MORC3: variants seen among roughly 807,000 people sequenced by gnomAD.
The protein encoded by MORC3 is MORC family CW-type zinc finger 3, also known as MORC family CW-type zinc finger protein 3.
A neutral mutation model predicts 109.1 loss-of-function variants in MORC3; 31 were observed. The observed-to-expected ratio is 0.28, with a 90% CI of 0.21 to 0.38. The LOEUF (loss-of-function observed/expected upper bound fraction) is 0.38, where lower values mean the gene tolerates loss of function less well. Ranked by LOEUF, MORC3 falls within the 10% of genes least tolerant of loss-of-function variation. MORC3 has a pLI of 1.00. For synonymous variants in MORC3, 395 were observed against 380.7 expected (o/e 1.04, Z -0.44); for missense variants, 867 against 1,135.8 (o/e 0.76, Z 3.40).
rs553980402 is a variant in MORC3, at chr21:36,369,518, G to A, written c.2150G>A (p.Cys717Tyr). The A allele has an allele frequency of 1.9e-6, 3 of 1,614,142 alleles. No homozygotes were observed. The highest frequency in any genetic ancestry group is 2.2e-5 in the South Asian group (2 of 91,078). The stretch of plus-strand genomic sequence containing the variant: ...GAAAAAGAGAATTATAAAAGACAGT[G>A]TCATATGTTTACTGATCAAATCAAA... The part of the protein sequence containing the change: ...TEEKENYKRQ[C>Y]HMFTDQIKVL... Residue 717 changes from cysteine to tyrosine, a missense_variant, in exon 15 of 17, where the codon TGT (cysteine) becomes TAT (tyrosine). This residue lies in a region of MORC3 where 486 missense variants were observed against 502.1 expected (regional missense o/e 0.97). Coordinates refer to ENST00000400485, the MANE Select transcript of MORC3 (RefSeq NM_015358.3).
At chr21:36,352,198 A>G (rs1034480670) in intron 9 of MORC3, among the ~76,000 whole-genome samples, 1 of 152,184 alleles carries the variant, frequency 6.6e-6, no homozygotes, top group Admixed American at 6.5e-5. Flanking sequence ...AGCACTTGCA[A>G]TTATTTTTAA....
At chr21:36,354,665 G>C (rs1265158511) in intron 9 of MORC3, among the ~76,000 whole-genome samples, 1 of 152,148 alleles carries the variant, frequency 6.6e-6, no homozygotes, top group Non-Finnish European at 1.5e-5. Context: ...GTCTGCTTCA[G>C]TTTCAGTGCC....
At chr21:36,346,294 C>A (rs1458490609) in intron 8 of MORC3, among the ~76,000 whole-genome samples, 1 of 152,238 alleles carries the variant, frequency 6.6e-6, no homozygotes, top group African/African-American at 2.4e-5. Flanking sequence ...GCTCAGATTA[C>A]AGGCCTGAGG....
At chr21:36,320,566 C>G (rs2085179809) in intron 1 of MORC3, 3 of 328,924 alleles carry the variant, frequency 9.1e-6, no homozygotes, top group South Asian at 1.5e-4. Flanking sequence ...CCAGCTCCCT[C>G]CTAGTCTCCC....
chr21:36,344,827 T>C, intron 7 of MORC3, 85 bp from the exon 8 acceptor site: 1 of 1,600,146 alleles, frequency 6.2e-7, no homozygotes, highest in African/African-American at 1.3e-5. Context: ...CTTTGTGTGC[T>C]TTTGGACTTA....
At chr21:36,325,708 C>G (rs1484974462) in intron 1 of MORC3, among the ~76,000 whole-genome samples, 1 of 152,016 alleles carries the variant, frequency 6.6e-6, no homozygotes, top group Admixed American at 6.6e-5. Flanking sequence ...TTTTAATTAC[C>G]CAAAGTCAAC....
chr21:36,356,149 T>C (rs569225014), intron 9 of MORC3, among the ~76,000 whole-genome samples: 5 of 152,326 alleles, frequency 3.3e-5, no homozygotes, highest in African/African-American at 9.6e-5. Context: ...ATTAATCTTA[T>C]GCAGTTATAA....
intron 14 of MORC3, among the ~76,000 whole-genome samples, chr21:36,366,643 T>TG (rs2085785102): frequency 6.6e-6 from 1 of 152,096 alleles, no homozygotes; most frequent in Non-Finnish European, 1.5e-5. Flanking sequence ...GTAGTATAGA[T>TG]GGGGGTTCAC....
At chr21:36,337,353 T>A (rs1449501227) in intron 3 of MORC3, among the ~76,000 whole-genome samples, 1 of 152,198 alleles carries the variant, frequency 6.6e-6, no homozygotes, top group Non-Finnish European at 1.5e-5. Context: ...AAGAGATTCA[T>A]GGGGTGAAAT....
intron 14 of MORC3, among the ~76,000 whole-genome samples, chr21:36,366,648 G>C: frequency 6.6e-6 from 1 of 152,000 alleles, no homozygotes; most frequent in Non-Finnish European, 1.5e-5. Flanking sequence ...ATAGATGGGG[G>C]TTCACCATAT....
chr21:36,347,223 C>A (rs2085519088), intron 8 of MORC3, among the ~76,000 whole-genome samples: 1 of 152,046 alleles, frequency 6.6e-6, no homozygotes, highest in African/African-American at 2.4e-5. Context: ...ACACAGTATA[C>A]CAATGCAGAT....
chr21:36,345,666 T>A (rs936328236), intron 8 of MORC3, among the ~76,000 whole-genome samples: 17 of 152,258 alleles, frequency 1.1e-4, no homozygotes, highest in Non-Finnish European at 2.2e-4. Context: ...GTGATCTGCC[T>A]GCCTCAGCCT....
rs563155387 is a variant in MORC3, at chr21:36,342,128, T to C, written c.756+582T>C. 3.0e-3 allele frequency among the ~76,000 whole-genome samples: 458 copies of C among 152,102 alleles called. 3 individuals carry two copies. Among genetic ancestry groups the C allele is most frequent in the Non-Finnish European group, 3.9e-3 (268 of 68,010 alleles). On this transcript the variant is annotated intron_variant, in intron 6 of 16. Coordinates refer to ENST00000400485, the MANE Select transcript of MORC3 (RefSeq NM_015358.3). ...CTGTAATCCCAGCTACTCGGGAGGC[T>C]GAGGCAGGAGAGTCGCTTGAACCTG...
intron 9 of MORC3, among the ~76,000 whole-genome samples, chr21:36,353,396 G>T (rs943581995): frequency 6.8e-6 from 1 of 146,758 alleles, no homozygotes; most frequent in Admixed American, 6.8e-5. Context: ...GCCGGGTGCC[G>T]TGGCTCAGGC....
At chr21:36,361,652 T>G (rs903126714) in intron 12 of MORC3, 2 of 157,158 alleles carry the variant, frequency 1.3e-5, no homozygotes, top group African/African-American at 4.9e-5. Context: ...TTTGGGAGGC[T>G]GAGTTGGGCG....
intron 6 of MORC3, among the ~76,000 whole-genome samples, chr21:36,341,955 C>T (rs957045828): frequency 6.6e-6 from 1 of 152,176 alleles, no homozygotes; most frequent in South Asian, 2.1e-4. Context: ...TGCCCGTGCA[C>T]GGTGGTTCAC....
chr21:36,340,516 C>T (rs972298752), intron 5 of MORC3, among the ~76,000 whole-genome samples: 116 of 151,776 alleles, frequency 7.6e-4, no homozygotes, highest in Non-Finnish European at 2.8e-4. Context: ...AACATGGAAA[C>T]CTTTTGGATT....
intron 2 of MORC3, among the ~76,000 whole-genome samples, chr21:36,336,458 G>C (rs1026454342): frequency 6.6e-6 from 1 of 151,822 alleles, no homozygotes; most frequent in African/African-American, 2.4e-5. Context: ...TGGCCAGGCT[G>C]ATCTCAAACT....
intron 6 of MORC3, among the ~76,000 whole-genome samples, chr21:36,342,838 G>T (rs2085465168): frequency 6.6e-6 from 1 of 151,700 alleles, no homozygotes; most frequent in Admixed American, 6.6e-5. Context: ...GGCCAACATG[G>T]TGAAATCCTG....
Sources: allele counts gnomAD v4.1 joint callset (sites outside exome capture counted in the v4.1 genomes callset), GRCh38; gene constraint gnomAD v4.1.1; regional missense constraint gnomAD v4.1.1; transcripts MANE v1.5; gene names NCBI Gene and HGNC (gene_info 2026-07-23, HGNC 2026-07-21).